The following PRKDC variants were observed in gnomAD, a reference collection of about 807,000 sequenced individuals.
PRKDC encodes protein kinase, DNA-activated, catalytic subunit, also known as DNA-dependent protein kinase catalytic subunit.
PRKDC carries 82 observed loss-of-function variants against 486.9 expected under a neutral mutation model. The observed-to-expected ratio is 0.17, with a 90% confidence interval of 0.14 to 0.20. The LOEUF is 0.20. Among genes scored for constraint, PRKDC ranks in the 10% least tolerant of loss-of-function variants. The pLI is 1.00. For missense variants in PRKDC, 4,504 were observed against 5,038.2 expected (o/e 0.89, Z 3.21); for synonymous variants, 1,895 against 1,837.0 (o/e 1.03, Z -0.81).
chr8:47,934,942 C>T (rs1197682855), intron 14 of PRKDC, 67 bp downstream of exon 14: 3 of 1,284,544 alleles, frequency 2.3e-6, no homozygotes, highest in Non-Finnish European at 3.2e-6. Flanking sequence ...TATTCGAAAA[C>T]CTCAGCAACA....
chr8:47,778,069 T>G (rs1379601943), intron 83 of PRKDC, among the ~76,000 whole-genome samples, 195 bp from the exon 84 acceptor site: 1 of 152,126 alleles, frequency 6.6e-6, no homozygotes, highest in Non-Finnish European at 1.5e-5. Flanking sequence ...TATCCCTCAA[T>G]GCAAAACCCA....
rs1283593754 is a variant in PRKDC, at chr8:47,857,278, G to A, written c.6487C>T (p.His2163Tyr). The change falls in exon 49 of 86, where the codon CAC (histidine) becomes TAC (tyrosine). Residue 2163 changes from histidine (H) to tyrosine (Y), a missense_variant. Coordinates refer to ENST00000314191, the MANE Select transcript of PRKDC (RefSeq NM_006904.7). The stretch of plus-strand genomic sequence containing the variant: ...AGCTGCAGCAAGGGGCTAAGCCAGT[G>A]CTTCGCGTAAGGGCGAAAGACCTAC... ...TEEVFRPYAK[H>Y]WLSPLLQLAA... 6.2e-7 allele frequency: 1 copy of A among 1,612,546 alleles called. No homozygotes were observed. Among genetic ancestry groups the A allele is most frequent in the Non-Finnish European group, 8.5e-7 (1 of 1,179,420 alleles).
chr8:47,818,721 T>C (rs1396163226), intron 67 of PRKDC, among the ~76,000 whole-genome samples: 1 of 151,648 alleles, frequency 6.6e-6, no homozygotes, highest in African/African-American at 2.4e-5. Flanking sequence ...AAAATTAAAA[T>C]AGAAAATAAC....
chr8:47,798,978 T>C (rs2087039528), intron 72 of PRKDC, among the ~76,000 whole-genome samples: 2 of 152,150 alleles, frequency 1.3e-5, no homozygotes, highest in African/African-American at 4.8e-5. Flanking sequence ...CCAGCTAATT[T>C]TTTTGTATTC....
intron 70 of PRKDC, among the ~76,000 whole-genome samples, chr8:47,802,535 T>C (rs563958452): frequency 1.3e-5 from 2 of 149,448 alleles, no homozygotes; most frequent in Admixed American, 6.8e-5. Flanking sequence ...CAGGCTGGAG[T>C]GCAGTGGCGC....
intron 64 of PRKDC, among the ~76,000 whole-genome samples, chr8:47,822,431 G>A (rs2087622428): frequency 2.0e-5 from 3 of 152,074 alleles, no homozygotes; most frequent in Admixed American, 2.0e-4. Flanking sequence ...TATTTACCAC[G>A]TAACAAGTTC....
chr8:47,891,907 C>T (rs1707876063), intron 31 of PRKDC, among the ~76,000 whole-genome samples: 1 of 152,020 alleles, frequency 6.6e-6, no homozygotes, highest in Non-Finnish European at 1.5e-5. Context: ...GAGACGGTGT[C>T]ACCCAGGCTG....
At chr8:47,787,682 T>A (rs535263718) in intron 76 of PRKDC, among the ~76,000 whole-genome samples, 2 of 152,192 alleles carry the variant, frequency 1.3e-5, no homozygotes, top group African/African-American at 4.8e-5. Context: ...GTGCTCCCCA[T>A]GGACAGCCCT....
chr8:47,779,932 T>G (rs1213408945), intron 80 of PRKDC, among the ~76,000 whole-genome samples: 2 of 141,600 alleles, frequency 1.4e-5, no homozygotes, highest in Non-Finnish European at 3.1e-5. Flanking sequence ...TTTTTTTTTT[T>G]GAGACAGAGT....
chr8:47,953,414 A>G (rs1448188071), intron 7 of PRKDC, among the ~76,000 whole-genome samples: 1 of 152,246 alleles, frequency 6.6e-6, no homozygotes, highest in Admixed American at 6.5e-5. Context: ...GACAACATCA[A>G]TGTTAATGCC....
intron 36 of PRKDC, among the ~76,000 whole-genome samples, chr8:47,885,138 A>G (rs570351492): frequency 5.3e-5 from 8 of 152,208 alleles, no homozygotes; most frequent in African/African-American, 1.2e-4. Flanking sequence ...TTAACATCCA[A>G]TAACACTCAT....
At chr8:47,882,771 T>A (rs2089248916) in intron 36 of PRKDC, among the ~76,000 whole-genome samples, 1 of 152,270 alleles carries the variant, frequency 6.6e-6, no homozygotes, top group Admixed American at 6.5e-5. Flanking sequence ...CAAACATTTT[T>A]CACAGATGTT....
rs1353510761 is a variant in PRKDC, at chr8:47,881,960, A to C, written c.4914T>G (p.Pro1638=). 1.9e-6 allele frequency: 3 copies of C among 1,613,654 alleles called. No individual in the cohort carries two copies. The Admixed American group carries it at 5.0e-5, about 27-fold the overall frequency. ...CCAGCACTGCCATTTTAGTTTCGAGAGGGGAATCTTTGGCCCACCATGAAT... is the reference window on the plus strand; with the variant it reads ...CCAGCACTGCCATTTTAGTTTCGAGCGGGGAATCTTTGGCCCACCATGAAT... The part of the protein sequence containing the change: ...KCDSWWAKDS[P]LETKMAVLAL... The change falls in exon 37 of 86, where the codon CCT becomes CCG. Residue 1638 remains proline, a synonymous_variant. Coordinates refer to ENST00000314191, the MANE Select transcript of PRKDC (RefSeq NM_006904.7).
intron 36 of PRKDC, 76 bp downstream of exon 36, chr8:47,885,868 G>A (rs924249536): frequency 6.3e-6 from 9 of 1,438,804 alleles, no homozygotes; most frequent in Admixed American, 3.5e-5. Flanking sequence ...CTCCAGCCTG[G>A]GCGAAAGTGC....
intron 63 of PRKDC, among the ~76,000 whole-genome samples, chr8:47,824,468 CA>C (rs11369602): frequency 0.023 from 877 of 37,688 alleles, 1 homozygote; most frequent in African/African-American, 0.05. Context: ...GACTCCGCCT[CA>C]AAAAAAAAAA....
intron 17 of PRKDC, 138 bp downstream of exon 17, chr8:47,930,534 A>C (rs1173410547): frequency 1.3e-6 from 1 of 774,766 alleles, no homozygotes; most frequent in South Asian, 1.9e-5. Context: ...GGCCTCCCAA[A>C]GTGCTGGGAT....
intron 70 of PRKDC, 28 bp downstream of exon 70, chr8:47,803,278 T>C: frequency 1.3e-6 from 2 of 1,582,914 alleles, no homozygotes; most frequent in African/African-American, 1.4e-5. Context: ...CCCTTTAAGA[T>C]ATAAGTGGAT....
chr8:47,894,152 G>A lies in PRKDC; in HGVS notation c.3599-765C>T, dbSNP rs12156246. On this transcript the variant is annotated intron_variant, in intron 30 of 85. Coordinates refer to ENST00000314191, the MANE Select transcript of PRKDC (RefSeq NM_006904.7). ...AAAAATCAGCCAGGCGTGGTGGTGC[G>A]CGCCTGTGGTCTCAGCTACTCAGGA... Among the ~76,000 whole-genome samples the A allele has an allele frequency of 2.4e-4, 37 of 152,012 alleles. No individual in the cohort carries two copies. In the East Asian group the frequency reaches 6.2e-3, roughly 26 times the overall value.
In PRKDC at chr8:47,826,863, T is replaced by C; in HGVS notation, c.8578-2A>G. On this transcript the variant is annotated splice_acceptor_variant, in intron 62 of 85. Coordinates refer to ENST00000314191, the MANE Select transcript of PRKDC (RefSeq NM_006904.7). LOFTEE classifies it high-confidence loss of function. ...GGCTGCGTGCTGACAGCTAATGTCC[T>C]GTGAAACCACACATACAACCAGCTG... is the stretch of plus-strand genomic sequence containing the variant. 1 of 1,569,284 alleles carries C rather than the reference T, an allele frequency of 6.4e-7. No homozygotes were observed. The highest frequency in any genetic ancestry group is 8.7e-7 in the Non-Finnish European group (1 of 1,152,374).
Sources: allele counts gnomAD v4.1 joint callset (sites outside exome capture counted in the v4.1 genomes callset), GRCh38; gene constraint gnomAD v4.1.1; transcripts MANE v1.5; gene names NCBI Gene and HGNC (gene_info 2026-07-23, HGNC 2026-07-21).